The following IFNGR1 variants were observed in gnomAD, a reference collection of about 807,000 sequenced individuals.
IFNGR1 encodes the protein interferon gamma receptor 1.
In IFNGR1, 23 loss-of-function variants were observed where a neutral mutation model predicts 35.4. The ratio of observed to expected loss-of-function variants is 0.65; its 90% CI spans 0.47 to 0.92. The LOEUF is 0.92. Ranked by LOEUF, IFNGR1 falls within the 40% of genes least tolerant of loss-of-function variation. IFNGR1 has a pLI of 0.00. For missense variants in IFNGR1, 533 were observed against 583.4 expected, an observed-to-expected ratio of 0.91 and a Z score of 0.89; for synonymous variants, 199 against 209.5, an observed-to-expected ratio of 0.95 and a Z score of 0.43.
chr6:137,213,726 A>T (rs1456103225), intron 1 of IFNGR1, among the ~76,000 whole-genome samples: 1 of 152,232 alleles, frequency 6.6e-6, no homozygotes, highest in Non-Finnish European at 1.5e-5. Flanking sequence ...TGGTGAATGT[A>T]GGGTGGATGG....
intron 1 of IFNGR1, chr6:137,215,210 T>C (rs1779662068): frequency 3.9e-6 from 6 of 1,528,308 alleles, no homozygotes; most frequent in Middle Eastern, 1.8e-4. Context: ...TGGTTTTCAT[T>C]AAGAAAAATG....
intron 3 of IFNGR1, among the ~76,000 whole-genome samples, chr6:137,205,547 T>C (rs1779408213): frequency 6.6e-6 from 1 of 152,156 alleles, no homozygotes; most frequent in South Asian, 2.1e-4. Context: ...ATTAAGGTGG[T>C]ATTCAGGTTC....
chr6:137,200,787 GA>G, intron 6 of IFNGR1, 93 bp downstream of exon 6: 1 of 1,070,016 alleles, frequency 9.3e-7, no homozygotes, highest in Non-Finnish European at 1.3e-6. Flanking sequence ...ACATCTTGTT[GA>G]ATATCATTCT....
intron 1 of IFNGR1, among the ~76,000 whole-genome samples, chr6:137,214,704 T>C (rs1284343705): frequency 2.0e-5 from 3 of 152,366 alleles, no homozygotes; most frequent in East Asian, 3.9e-4. Context: ...TAGTTCTGAC[T>C]GGACCAGACC....
At chr6:137,199,560 T>C (rs1212542417) in intron 6 of IFNGR1, among the ~76,000 whole-genome samples, 1 of 65,220 alleles carries the variant, frequency 1.5e-5, no homozygotes, top group Non-Finnish European at 2.9e-5. Context: ...ACATATAAAA[T>C]ATATATAATA....
At chr6:137,199,802 AAAT>A (rs925917622) in intron 6 of IFNGR1, among the ~76,000 whole-genome samples, 1 of 151,140 alleles carries the variant, frequency 6.6e-6, no homozygotes, top group African/African-American at 2.4e-5. Context: ...TTATACTGAT[AAAT>A]AATTTAATAG....
intron 4 of IFNGR1, 156 bp from the exon 5 acceptor site, chr6:137,203,841 T>C: frequency 1.5e-6 from 1 of 673,220 alleles, no homozygotes; most frequent in Non-Finnish European, 2.6e-6. Flanking sequence ...AGTCAATTTG[T>C]TACTTCAACA....
rs545425348 is a variant in IFNGR1 at position 137,213,123 on chromosome 6, T to C, written c.86-6046A>G. Among the ~76,000 whole-genome samples, 7 of 152,364 alleles carry C rather than the reference T, an allele frequency of 4.6e-5. No homozygotes were observed. In the East Asian group the frequency reaches 1.3e-3, roughly 29 times the overall value. Reference sequence around the variant, plus strand: ...TTTTGTAATGTGAGGTTTAAATTGTTATATATTCAGATTAAATTAATTAAG... The same window carrying C: ...TTTTGTAATGTGAGGTTTAAATTGTCATATATTCAGATTAAATTAATTAAG... On this transcript the variant is annotated intron_variant, in intron 1 of 6. Coordinates refer to ENST00000367739, the MANE Select transcript of IFNGR1 (RefSeq NM_000416.3).
At chr6:137,202,371 G>C (rs1164445244) in intron 5 of IFNGR1, among the ~76,000 whole-genome samples, 1 of 152,042 alleles carries the variant, frequency 6.6e-6, no homozygotes, top group African/African-American at 2.4e-5. Flanking sequence ...CATTAAGAAG[G>C]GTTTTATTTT....
chr6:137,218,589 TCCC>T, intron 1 of IFNGR1: 1 of 612,464 alleles, frequency 1.6e-6, no homozygotes, highest in East Asian at 1.1e-4. Flanking sequence ...GCACTTTGAG[TCCC>T]CCCCCCCACC....
rs2114490598 is a variant in IFNGR1, at chr6:137,207,065, G to C, written c.98C>G (p.Thr33Ser). ...GTTATAGGATTCAATTGTAACATTA[G>C]TTGGTGTAGGCACTGTAAGAAAATA... ...DLGPSSVPTP[T>S]NVTIESYNMN... Residue 33 changes from threonine (T) to serine (S), a missense_variant, in exon 2 of 7, where the codon ACT (threonine) becomes AGT (serine). Thr to Ser is a moderately conservative substitution (Grantham distance 58). Transcript: ENST00000367739. 6.2e-7 allele frequency: 1 copy of C among 1,613,936 alleles called. No individual in the cohort carries two copies. The highest frequency in any genetic ancestry group is 2.2e-5 in the East Asian group (1 of 44,848).
intron 1 of IFNGR1, among the ~76,000 whole-genome samples, chr6:137,214,307 T>A (rs547199066): frequency 2.6e-4 from 40 of 152,330 alleles, no homozygotes; most frequent in African/African-American, 8.9e-4. Flanking sequence ...CAGAACATAT[T>A]TGATTACAAT....
At chr6:137,206,711 C>G (rs188308069) in intron 2 of IFNGR1, 11 of 515,414 alleles carry the variant, frequency 2.1e-5, no homozygotes, top group Admixed American at 1.5e-4. Flanking sequence ...GACATAGTAA[C>G]TATTAGCTTT....
At chr6:137,214,167 C>T (rs1020684328) in intron 1 of IFNGR1, among the ~76,000 whole-genome samples, 3 of 152,160 alleles carry the variant, frequency 2.0e-5, no homozygotes, top group African/African-American at 4.8e-5. Context: ...AACACCTTCC[C>T]CATGTTAAAG....
chr6:137,215,460 C>A, intron 1 of IFNGR1: 1 of 820,266 alleles, frequency 1.2e-6, no homozygotes, highest in South Asian at 2.4e-5. Flanking sequence ...ATTCTGATTA[C>A]TATGCATTAG....
intron 4 of IFNGR1, 139 bp from the exon 5 acceptor site, chr6:137,203,824 A>C (rs1236559606): frequency 4.2e-6 from 3 of 716,110 alleles, no homozygotes; most frequent in Non-Finnish European, 7.2e-6. Flanking sequence ...TAGCTTTACT[A>C]TCAATAAGTC....
At chr6:137,216,086 T>G (rs1779690386) in intron 1 of IFNGR1, among the ~76,000 whole-genome samples, 1 of 152,242 alleles carries the variant, frequency 6.6e-6, no homozygotes, top group Admixed American at 6.5e-5. Flanking sequence ...AAAAGAAAAT[T>G]TAATACCCTA....
Position 137,210,303 on chromosome 6 carries a change from G to GA in IFNGR1, c.86-3227dup, listed in dbSNP as rs767508687. On this transcript the variant is annotated intron_variant, in intron 1 of 6. Transcript: ENST00000367739. ...TGTGCCACTGCATTCAGTTCTCTTAGAAAAAAAAAAAAAGGAGTCATTTTT... is the reference window on the plus strand; with the variant it reads ...TGTGCCACTGCATTCAGTTCTCTTAGAAAAAAAAAAAAAAGGAGTCATTTTT... Among the ~76,000 whole-genome samples, 749 of 133,606 alleles carry GA rather than the reference G, an allele frequency of 5.6e-3. 6 individuals are homozygous for GA. The highest frequency in any genetic ancestry group is 0.016 in the African/African-American group (579 of 36,232). 87.7% of individuals were successfully genotyped at this position (133,606 alleles called of 152,430 possible).
At position 137,198,003 on chromosome 6, in the gene IFNGR1, C is replaced by G; in HGVS notation, c.*28G>C. 6.2e-7 allele frequency: 1 copy of G among 1,613,534 alleles called. No homozygotes were observed. Among genetic ancestry groups the G allele is most frequent in the East Asian group, 2.2e-5 (1 of 44,862 alleles). On this transcript the variant is annotated 3_prime_UTR_variant, in exon 7 of 7. Transcript: ENST00000367739. The stretch of plus-strand genomic sequence containing the variant: ...CAGAAAACTGTCCAGGAAAATCAGA[C>G]TTCAAAGTTGGTGCAACTTAGCTGA...
Sources: allele counts gnomAD v4.1 joint callset (sites outside exome capture counted in the v4.1 genomes callset), GRCh38; gene constraint gnomAD v4.1.1; transcripts MANE v1.5; gene names NCBI Gene and HGNC (gene_info 2026-07-23, HGNC 2026-07-21).